The following SLIT1 variants were observed in gnomAD, a reference collection of about 807,000 sequenced individuals.
The protein encoded by SLIT1 is slit guidance ligand 1.
In SLIT1, 66 loss-of-function variants were observed where a neutral mutation model predicts 186.1. The observed-to-expected ratio is 0.35, with a 90% CI of 0.29 to 0.44. The LOEUF (loss-of-function observed/expected upper bound fraction) is 0.44, where lower values mean the gene tolerates loss of function less well. SLIT1 is among the 20% of genes least tolerant of loss of function. The probability of loss-of-function intolerance (pLI) is 1.00; values close to 1 mark genes in which losing one functional copy is unlikely to be tolerated. For missense variants in SLIT1, 1,638 were observed against 2,037.4 expected, an observed-to-expected ratio of 0.80 and a Z score of 3.77; for synonymous variants, 761 against 833.8, an observed-to-expected ratio of 0.91 and a Z score of 1.50.
intron 4 of SLIT1, among the ~76,000 whole-genome samples, chr10:97,140,254 C>A (rs1273857151): frequency 6.6e-6 from 1 of 152,152 alleles, no homozygotes; most frequent in East Asian, 1.9e-4. Flanking sequence ...CCATTACTAC[C>A]CCATTAGTTG....
At chr10:97,133,361 G>A (rs1279862454) in intron 4 of SLIT1, among the ~76,000 whole-genome samples, 4 of 152,290 alleles carry the variant, frequency 2.6e-5, no homozygotes, top group Non-Finnish European at 5.9e-5. Context: ...AAACCAGCCT[G>A]GGCAACATAG....
At chr10:97,085,712 A>G (rs754800139) in intron 4 of SLIT1, among the ~76,000 whole-genome samples, 15 of 152,218 alleles carry the variant, frequency 9.9e-5, no homozygotes, top group Non-Finnish European at 1.9e-4. Context: ...TTAATCAATC[A>G]ATTATTTATG....
In SLIT1 at chr10:97,049,256, AAG is replaced by A. The variant is rs919551570; in HGVS notation, c.1302-140_1302-139del. ...GAGCCTAGGGTCAGCCACGGGGGGA[AAG>A]AGAGAGTGGGGTGAACCCCCAGGGT... On this transcript the variant is annotated intron_variant, in intron 13 of 36. Coordinates refer to ENST00000266058, the MANE Select transcript of SLIT1 (RefSeq NM_003061.3). 127 of 989,674 alleles carry A rather than the reference AAG, an allele frequency of 1.3e-4. 2 individuals carry two copies. Among genetic ancestry groups the A allele is most frequent in the Non-Finnish European group, 1.6e-4 (111 of 685,576 alleles). The allele number at this position is 989,674 out of a possible 1,614,324, so 61.3% of individuals were successfully genotyped here.
intron 6 of SLIT1, among the ~76,000 whole-genome samples, chr10:97,064,509 G>A (rs1227379277): frequency 6.6e-6 from 1 of 152,200 alleles, no homozygotes; most frequent in Non-Finnish European, 1.5e-5. Context: ...ACGCGTCCCA[G>A]GCTTGGGTTG....
At position 97,021,122 on chromosome 10, in the gene SLIT1, C is replaced by T; in HGVS notation, c.2746+128G>A. The T allele has an allele frequency of 1.2e-6, 1 of 812,962 alleles. No homozygotes were observed. Among genetic ancestry groups the T allele is most frequent in the Non-Finnish European group, 1.8e-6 (1 of 542,228 alleles). The allele number at this position is 812,962 out of a possible 1,614,324, so 50.4% of individuals were successfully genotyped here. A position where few individuals can be genotyped will look rare whatever the true frequency, so the allele number is the denominator to read the frequency against. ...GAAGGCAGCCATCAAGCCGCAGGTG[C>T]CTTGTTCCTGTCCCCTGACCCCCCG... On this transcript the variant is annotated intron_variant, in intron 26 of 36. Transcript: ENST00000266058. This position sits in a 1 kb window ranked among gnomAD's most constrained non-coding sequence, Gnocchi z 4.5.
intron 1 of SLIT1, among the ~76,000 whole-genome samples, chr10:97,182,057 G>A (rs997220903): frequency 2.6e-5 from 4 of 152,208 alleles, no homozygotes; most frequent in Non-Finnish European, 4.4e-5. Context: ...GGCCGCCTCC[G>A]CCACCTCTCC....
At chr10:97,047,646 G>A (rs759523610) in intron 16 of SLIT1, 44 bp downstream of exon 16, 91 of 1,574,438 alleles carry the variant, frequency 5.8e-5, no homozygotes, top group Non-Finnish European at 7.8e-5. Context: ...AGGGTTAGTG[G>A]CAGTTAGGGA....
intron 4 of SLIT1, among the ~76,000 whole-genome samples, chr10:97,134,551 G>A (rs981336512): frequency 6.6e-6 from 1 of 152,106 alleles, no homozygotes; most frequent in Admixed American, 6.5e-5. Context: ...CCCTAAGCCC[G>A]AGCTGCAGAT....
intron 4 of SLIT1, among the ~76,000 whole-genome samples, chr10:97,067,548 T>C (rs947178861): frequency 2.0e-5 from 3 of 152,212 alleles, no homozygotes; most frequent in Non-Finnish European, 4.4e-5. Context: ...GTAACCCAGC[T>C]GGTGGGTGGT....
At chr10:97,087,110 A>AG (rs967058403) in intron 4 of SLIT1, among the ~76,000 whole-genome samples, 1 of 151,118 alleles carries the variant, frequency 6.6e-6, no homozygotes, top group Non-Finnish European at 1.5e-5. Context: ...AAAAAAAAAA[A>AG]AACAGGTACC....
At chr10:97,057,590 C>T (rs144533114) in intron 11 of SLIT1, among the ~76,000 whole-genome samples, 2,192 of 152,352 alleles carry the variant, frequency 0.014, 58 homozygotes, top group African/African-American at 0.048. Context: ...AGGGGCACTT[C>T]CTGGGAAATT....
In SLIT1 at chr10:97,018,691, G is replaced by GA; in HGVS notation, c.2872-9dup. ...CACCTCACAGTCTCGACCCTGGGGG[G>GA]AAAGTCAGTGATGGGGACCCCAGGG... On this transcript the variant is annotated splice_polypyrimidine_tract_variant and intron_variant, in intron 27 of 36. Coordinates refer to ENST00000266058, the MANE Select transcript of SLIT1 (RefSeq NM_003061.3). 3.2e-6 allele frequency: 5 copies of GA among 1,559,226 alleles called. No individual in the cohort carries two copies. Among genetic ancestry groups the GA allele is most frequent in the Non-Finnish European group, 4.4e-6 (5 of 1,148,034 alleles).
At chr10:97,182,360 C>T (rs767020959) in intron 1 of SLIT1, among the ~76,000 whole-genome samples, 18 of 152,344 alleles carry the variant, frequency 1.2e-4, no homozygotes, top group Non-Finnish European at 2.4e-4. Flanking sequence ...AGCTGCAGTC[C>T]ATAAAAATTT....
At chr10:97,107,601 C>T (rs2134676454) in intron 4 of SLIT1, among the ~76,000 whole-genome samples, 1 of 152,292 alleles carries the variant, frequency 6.6e-6, no homozygotes, top group Admixed American at 6.5e-5. Flanking sequence ...GAAAAACATG[C>T]CACCATGCCC....
At position 97,179,339 on chromosome 10, in the gene SLIT1, G is replaced by T. The variant is rs547858335; in HGVS notation, c.197+6139C>A. ...GTGGGCATGGTGATGCATGCCTGTAGTTCCAGCTACTTGGGAGGCTGAGTG... is the reference window on the plus strand; with the variant it reads ...GTGGGCATGGTGATGCATGCCTGTATTTCCAGCTACTTGGGAGGCTGAGTG... On this transcript the variant is annotated intron_variant, in intron 1 of 36. Coordinates refer to ENST00000266058, the MANE Select transcript of SLIT1 (RefSeq NM_003061.3). Among the ~76,000 whole-genome samples the T allele has an allele frequency of 1.1e-4, 17 of 152,318 alleles. No individual in the cohort carries two copies. In the South Asian group the frequency reaches 3.5e-3, roughly 32 times the overall value.
At chr10:97,025,380 G>T (rs1439264006) in intron 25 of SLIT1, among the ~76,000 whole-genome samples, 5 of 152,178 alleles carry the variant, frequency 3.3e-5, no homozygotes, top group Non-Finnish European at 5.9e-5. Flanking sequence ...TTCTGGATTG[G>T]CCCACACTTG....
chr10:97,057,384 T>C, intron 11 of SLIT1, 103 bp from the exon 12 acceptor site: 1 of 805,314 alleles, frequency 1.2e-6, no homozygotes, highest in Non-Finnish European at 2.1e-6. Context: ...CCTAAGCCAT[T>C]TACATGGAGC....
At chr10:97,058,979 T>C (rs1365132777) in intron 11 of SLIT1, among the ~76,000 whole-genome samples, 1 of 152,174 alleles carries the variant, frequency 6.6e-6, no homozygotes, top group African/African-American at 2.4e-5. Context: ...GCAAACACTG[T>C]CCTAGCAGCA....
At chr10:97,140,593 C>T (rs568890496) in intron 4 of SLIT1, among the ~76,000 whole-genome samples, 38 of 152,214 alleles carry the variant, frequency 2.5e-4, no homozygotes, top group African/African-American at 8.7e-4. Flanking sequence ...GCTTGGCCTC[C>T]GCGATCGGCC....
Sources: gnomAD v4.1 joint callset for allele counts (sites outside exome capture counted in the v4.1 genomes callset) on GRCh38, gnomAD v4.1.1 for gene constraint, Gnocchi (gnomAD v3.1) non-coding constraint, MANE v1.5 for transcripts, NCBI Gene and HGNC (gene_info 2026-07-23, HGNC 2026-07-21) for gene names.